GNA12: variants seen among roughly 807,000 people sequenced by gnomAD.
GNA12 encodes G protein subunit alpha 12.
GNA12 carries 9 observed loss-of-function variants against 26.0 expected under a neutral mutation model. The observed-to-expected ratio is 0.35, with a 90% CI of 0.21 to 0.60. The LOEUF is 0.60. GNA12 is among the 20% of genes least tolerant of loss of function. GNA12 has a pLI of 0.78. For synonymous variants in GNA12, 264 were observed against 219.6 expected, an observed-to-expected ratio of 1.20 and a Z score of -1.79; for missense variants, 405 against 525.8, an observed-to-expected ratio of 0.77 and a Z score of 2.25.
intron 1 of GNA12, chr7:2,815,119 C>A (rs1793186981): frequency 2.3e-6 from 2 of 883,348 alleles, no homozygotes; most frequent in East Asian, 2.9e-5. Flanking sequence ...CCGCATGAGG[C>A]TTCCAAGCTC....
intron 1 of GNA12, among the ~76,000 whole-genome samples, chr7:2,811,572 G>A (rs558839729): frequency 1.3e-5 from 2 of 152,346 alleles, no homozygotes; most frequent in Non-Finnish European, 2.9e-5. Flanking sequence ...CATTTGAGAA[G>A]GGACCTCAAA....
intron 1 of GNA12, among the ~76,000 whole-genome samples, chr7:2,830,663 T>G (rs1562449094): frequency 6.6e-6 from 1 of 152,220 alleles, no homozygotes. Flanking sequence ...GAGATCTCTC[T>G]GCAAGGAAAC....
intron 1 of GNA12, among the ~76,000 whole-genome samples, chr7:2,813,944 A>T (rs373419066): frequency 6.6e-6 from 1 of 152,146 alleles, no homozygotes; most frequent in Non-Finnish European, 1.5e-5. Flanking sequence ...GCACCTTCCA[A>T]TCCCTCAAGA....
intron 2 of GNA12, among the ~76,000 whole-genome samples, chr7:2,770,351 T>C (rs1305084195): frequency 1.3e-5 from 2 of 152,224 alleles, no homozygotes; most frequent in Non-Finnish European, 2.9e-5. Context: ...TAGGCTCAAA[T>C]TGAGGCTCAA....
At chr7:2,756,293 G>A (rs1295481197) in intron 2 of GNA12, among the ~76,000 whole-genome samples, 1 of 152,028 alleles carries the variant, frequency 6.6e-6, no homozygotes, top group African/African-American at 2.4e-5. Context: ...AATCAAAAAA[G>A]GACATTGATT....
intron 1 of GNA12, chr7:2,815,091 A>G: frequency 2.5e-6 from 3 of 1,213,782 alleles, no homozygotes; most frequent in Non-Finnish European, 3.4e-6. Flanking sequence ...ACAGAGAACC[A>G]GACAGACAAG....
chr7:2,807,189 T>C (rs556561299), intron 1 of GNA12, among the ~76,000 whole-genome samples: 4 of 152,204 alleles, frequency 2.6e-5, no homozygotes, highest in Admixed American at 2.0e-4. Flanking sequence ...AGTGTATGTA[T>C]ACTGACAACT....
intron 2 of GNA12, among the ~76,000 whole-genome samples, chr7:2,745,527 C>T (rs891859460): frequency 2.6e-5 from 4 of 152,164 alleles, no homozygotes; most frequent in African/African-American, 9.7e-5. Context: ...AAGTGCTAAA[C>T]ATGGAAAGGA....
At chr7:2,793,147 T>G (rs900827175) in intron 2 of GNA12, among the ~76,000 whole-genome samples, 1 of 152,130 alleles carries the variant, frequency 6.6e-6, no homozygotes, top group Non-Finnish European at 1.5e-5. Flanking sequence ...ACACAATACC[T>G]GGCCAGTGCT....
At chr7:2,771,142 T>C (rs1002587489) in intron 2 of GNA12, among the ~76,000 whole-genome samples, 1 of 151,878 alleles carries the variant, frequency 6.6e-6, no homozygotes, top group Non-Finnish European at 1.5e-5. Context: ...AATACAAAAA[T>C]TAGCCAGGTG....
intron 2 of GNA12, among the ~76,000 whole-genome samples, chr7:2,785,732 G>A (rs79518301): frequency 6.6e-6 from 1 of 152,046 alleles, no homozygotes; most frequent in Non-Finnish European, 1.5e-5. Context: ...ACAAGCTGTG[G>A]TACCTCCATA....
chr7:2,776,850 T>C (rs1286319216), intron 2 of GNA12, among the ~76,000 whole-genome samples: 2 of 152,072 alleles, frequency 1.3e-5, no homozygotes, highest in African/African-American at 4.8e-5. Flanking sequence ...TTTGGGAGGC[T>C]GAGGTGGGAG....
intron 2 of GNA12, among the ~76,000 whole-genome samples, chr7:2,782,606 T>G (rs1218984883): frequency 2.0e-5 from 3 of 152,100 alleles, no homozygotes; most frequent in African/African-American, 7.2e-5. Context: ...TTTTAAGATT[T>G]TCCTCTTTGT....
intron 1 of GNA12, among the ~76,000 whole-genome samples, chr7:2,809,711 A>G (rs1793033435): frequency 6.6e-6 from 1 of 152,222 alleles, no homozygotes; most frequent in African/African-American, 2.4e-5. Flanking sequence ...ACAACAGCTT[A>G]CTTTACTGTG....
At chr7:2,757,835 G>A (rs1200147233) in intron 2 of GNA12, among the ~76,000 whole-genome samples, 1 of 149,362 alleles carries the variant, frequency 6.7e-6, no homozygotes, top group African/African-American at 2.6e-5. Flanking sequence ...ATGAAGACAT[G>A]TGTTTTTTCA....
chr7:2,748,455 A>G (rs1196579181), intron 2 of GNA12, among the ~76,000 whole-genome samples: 1 of 152,158 alleles, frequency 6.6e-6, no homozygotes, highest in Non-Finnish European at 1.5e-5. Flanking sequence ...CTGGCTAGCC[A>G]TATGTAGAAA....
At chr7:2,796,357 T>G (rs928030475) in intron 1 of GNA12, among the ~76,000 whole-genome samples, 1 of 152,228 alleles carries the variant, frequency 6.6e-6, no homozygotes, top group Non-Finnish European at 1.5e-5. Flanking sequence ...ATATGGTCTC[T>G]CCTTCTGTCT....
chr7:2,763,583 A>G (rs371722269), intron 2 of GNA12, among the ~76,000 whole-genome samples: 1 of 152,248 alleles, frequency 6.6e-6, no homozygotes, highest in East Asian at 1.9e-4. Context: ...AGCTCGAAAC[A>G]AAAAACAATT....
chr7:2,835,201 T>C (rs17132742), intron 1 of GNA12, among the ~76,000 whole-genome samples: 5,825 of 152,210 alleles, frequency 0.038, 392 homozygotes, highest in African/African-American at 0.13. Context: ...GGAAGCACTG[T>C]GAGATAAATC....
Sources: allele counts gnomAD v4.1 joint callset (sites outside exome capture counted in the v4.1 genomes callset), GRCh38; gene constraint gnomAD v4.1.1; transcripts MANE v1.5; gene names NCBI Gene and HGNC (gene_info 2026-07-23, HGNC 2026-07-21).